The following SIDT1 variants were observed in gnomAD, a reference collection of about 807,000 sequenced individuals.
SIDT1 encodes SID1 transmembrane family member 1.
SIDT1 carries 101 observed loss-of-function variants against 107.5 expected under a neutral mutation model. That is an observed-to-expected ratio of 0.94 (90% CI 0.80 to 1.11). The LOEUF (loss-of-function observed/expected upper bound fraction) is 1.11, where lower values mean the gene tolerates loss of function less well. Ranked by LOEUF, SIDT1 falls within the 50% of genes least tolerant of loss-of-function variation. SIDT1 has a pLI of 0.00. For missense variants in SIDT1, 1,076 were observed against 1,058.2 expected, an observed-to-expected ratio of 1.02 and a Z score of -0.23; for synonymous variants, 395 against 398.2, an observed-to-expected ratio of 0.99 and a Z score of 0.10.
intron 1 of SIDT1, among the ~76,000 whole-genome samples, chr3:113,551,647 G>C (rs72950870): frequency 6.6e-6 from 1 of 151,920 alleles, no homozygotes; most frequent in Admixed American, 6.6e-5. Context: ...TTTTATTATC[G>C]TTTTCCCCCA....
Position 113,608,121 on chromosome 3 carries a change from G to A in SIDT1, c.1506G>A (p.Leu502=), listed in dbSNP as rs1270905271. The change falls in exon 16 of 25, where the codon CTG becomes CTA. Residue 502 remains leucine, a synonymous_variant. Coordinates refer to ENST00000264852, the MANE Select transcript of SIDT1 (RefSeq NM_017699.3). ...CCTTCAACAACATTCTCAGCAATCT[G>A]GGCCACGTGCTTCTGGGCTTCCTCT... ...LSAFNNILSN[L]GHVLLGFLFL... is the part of the protein sequence containing the mutation. 4 of 1,611,688 alleles carry A rather than the reference G, an allele frequency of 2.5e-6. No individual in the cohort carries two copies. Among genetic ancestry groups the A allele is most frequent in the Admixed American group, 3.4e-5 (2 of 59,536 alleles).
rs146491091 is a variant in SIDT1 at position 113,613,663 on chromosome 3, T to G, written c.1966+1469T>G. On this transcript the variant is annotated intron_variant, in intron 19 of 24. Coordinates refer to ENST00000264852, the MANE Select transcript of SIDT1 (RefSeq NM_017699.3). The stretch of plus-strand genomic sequence containing the variant: ...TCCACCAGACAGAAGGTAAGTGAAG[T>G]CATACAAACTAAACTTTCAAAAGGA... Among the ~76,000 whole-genome samples the G allele has an allele frequency of 3.9e-3, 587 of 152,304 alleles. 4 individuals carry two copies. Among genetic ancestry groups the G allele is most frequent in the African/African-American group, 0.014 (561 of 41,548 alleles).
At chr3:113,565,272 C>T (rs1300639577) in intron 1 of SIDT1, among the ~76,000 whole-genome samples, 3 of 152,154 alleles carry the variant, frequency 2.0e-5, no homozygotes, top group Non-Finnish European at 2.9e-5. Context: ...TGGCTCACAC[C>T]TGTAATCCCA....
downstream of SIDT1, among the ~76,000 whole-genome samples, chr3:113,632,268 T>G (rs1400684333): frequency 1.3e-5 from 2 of 152,228 alleles, no homozygotes; most frequent in East Asian, 3.8e-4. Flanking sequence ...GTTTTATATT[T>G]AAATCTTGAC....
intron 1 of SIDT1, among the ~76,000 whole-genome samples, chr3:113,552,798 C>T (rs1470108068): frequency 6.6e-6 from 1 of 152,214 alleles, no homozygotes; most frequent in African/African-American, 2.4e-5. Flanking sequence ...TATCCATCTA[C>T]CCAAGCACAG....
chr3:113,576,835 C>T (rs1397197375), intron 3 of SIDT1, 87 bp from the exon 4 acceptor site: 3 of 1,407,708 alleles, frequency 2.1e-6, no homozygotes, highest in Non-Finnish European at 2.0e-6. Flanking sequence ...TTTAAGATGG[C>T]TTTCTTTTAA....
Position 113,611,011 on chromosome 3 carries a change from C to G in SIDT1, c.1724C>G (p.Thr575Ser). The stretch of plus-strand genomic sequence containing the variant: ...GGCTCCTCCTTTGGGTCCTCAGACA[C>G]CTCCTTCATGTACATGATCGCTGGC... ...CPNYSNFQFD[T>S]SFMYMIAGLC... Residue 575 changes from threonine (T) to serine (S), a missense_variant, in exon 18 of 25, where the codon ACC becomes AGC. Thr to Ser is a moderately conservative substitution (Grantham distance 58, BLOSUM62 1). Coordinates refer to ENST00000264852, the MANE Select transcript of SIDT1 (RefSeq NM_017699.3). The G allele has an allele frequency of 6.2e-7, 1 of 1,613,590 alleles. No individual in the cohort carries two copies. Among genetic ancestry groups the G allele is most frequent in the Non-Finnish European group, 8.5e-7 (1 of 1,179,714 alleles).
At position 113,592,533 on chromosome 3, in the gene SIDT1, A is replaced by G. The variant is rs186258969; in HGVS notation, c.1002-472A>G. 2.1e-4 allele frequency among the ~76,000 whole-genome samples: 32 copies of G among 151,774 alleles called. No homozygotes were observed. The East Asian group carries it at 5.6e-3, about 27-fold the overall frequency. On this transcript the variant is annotated intron_variant, in intron 9 of 24. Transcript: ENST00000264852. ...TCCCACCAACAATGTATGAGTTCCA[A>G]TTTCTCCATATCCAAAGACATGTGT...
chr3:113,626,096 C>G lies in SIDT1; in HGVS notation c.2308-6C>G, dbSNP rs566409278. The G allele has an allele frequency of 1.2e-6, 2 of 1,607,904 alleles. No individual in the cohort carries two copies. Among genetic ancestry groups the G allele is most frequent in the African/African-American group, 1.3e-5 (1 of 74,900 alleles). ...CTTGCCCATGTCCTGCCTCACCTTC[C>G]TCCAGGGAACTCCGGCCGAATCCCG... On this transcript the variant is annotated splice_polypyrimidine_tract_variant and splice_region_variant and intron_variant, in intron 23 of 24. Coordinates refer to ENST00000264852, the MANE Select transcript of SIDT1 (RefSeq NM_017699.3).
chr3:113,559,438 T>TA (rs201916218), intron 1 of SIDT1, among the ~76,000 whole-genome samples: 34 of 149,016 alleles, frequency 2.3e-4, no homozygotes, highest in Middle Eastern at 3.4e-3. Context: ...TTTATTTATT[T>TA]TTTTTTTTTT....
chr3:113,580,473 GT>G, intron 4 of SIDT1, 134 bp from the exon 5 acceptor site: 1 of 636,940 alleles, frequency 1.6e-6, no homozygotes, highest in Non-Finnish European at 2.8e-6. Context: ...TTCTCAATAT[GT>G]ATGAGATGAA....
At position 113,576,981 on chromosome 3, in the gene SIDT1, T is replaced by C. The variant is rs1370480401; in HGVS notation, c.561+14T>C. ...TCTCAACCTCAGGTAAGTGAAGGGG[T>C]TCCAAGAGTTATCAACATCCTACCT... is the stretch of plus-strand genomic sequence containing the variant. On this transcript the variant is annotated intron_variant, in intron 4 of 24. Coordinates refer to ENST00000264852, the MANE Select transcript of SIDT1 (RefSeq NM_017699.3). 6.2e-7 allele frequency: 1 copy of C among 1,613,328 alleles called. No homozygotes were observed. Among genetic ancestry groups the C allele is most frequent in the African/African-American group, 1.3e-5 (1 of 74,874 alleles).
At position 113,533,184 on chromosome 3, in the gene SIDT1, G is replaced by T. The variant is rs779458827; in HGVS notation, c.163G>T (p.Val55Leu). 3 of 1,576,542 alleles carry T rather than the reference G, an allele frequency of 1.9e-6. No homozygotes were observed. Among genetic ancestry groups the T allele is most frequent in the African/African-American group, 2.8e-5 (2 of 72,208 alleles). ...GADFDHVYSGVVNLSTENIYS... is the reference protein window; with the variant it reads ...GADFDHVYSGLVNLSTENIYS... ...CGATTTCGATCATGTCTACAGCGGG[G>T]TGGTGAACCTCAGCACCGAGAACAT... The change falls in exon 1 of 25, where the codon GTG (valine) becomes TTG (leucine). Residue 55 changes from valine to leucine, a missense_variant. Val to Leu is a conservative substitution (Grantham distance 32). Coordinates refer to ENST00000264852, the MANE Select transcript of SIDT1 (RefSeq NM_017699.3).
intron 19 of SIDT1, among the ~76,000 whole-genome samples, chr3:113,613,204 G>A (rs1945873885): frequency 6.6e-6 from 1 of 152,162 alleles, no homozygotes; most frequent in Non-Finnish European, 1.5e-5. Context: ...CCACCACTTG[G>A]CCATTCCCTG....
At chr3:113,598,935 T>C (rs908348182) in intron 10 of SIDT1, among the ~76,000 whole-genome samples, 5 of 152,180 alleles carry the variant, frequency 3.3e-5, no homozygotes, top group Non-Finnish European at 7.3e-5. Flanking sequence ...GAGGCCAGCC[T>C]CGTCAACCTA....
chr3:113,559,279 C>T (rs1941195569), intron 1 of SIDT1, among the ~76,000 whole-genome samples: 1 of 152,214 alleles, frequency 6.6e-6, no homozygotes, highest in South Asian at 2.1e-4. Context: ...TGACTGAAGT[C>T]ATTGCACCAA....
At chr3:113,609,660 G>A (rs1945600703) in intron 17 of SIDT1, among the ~76,000 whole-genome samples, 1 of 152,144 alleles carries the variant, frequency 6.6e-6, no homozygotes, top group Admixed American at 6.5e-5. Flanking sequence ...TTTTTTAAAC[G>A]GTCGTTTAAT....
intron 17 of SIDT1, among the ~76,000 whole-genome samples, chr3:113,609,560 A>G (rs1228392977): frequency 6.6e-6 from 1 of 152,166 alleles, no homozygotes; most frequent in East Asian, 1.9e-4. Context: ...GTAGACATTG[A>G]GTTAATATTG....
At chr3:113,627,512 G>A (rs1946936090) in intron 24 of SIDT1, 134 bp from the exon 25 acceptor site, 9 of 718,112 alleles carry the variant, frequency 1.3e-5, no homozygotes, top group Admixed American at 5.0e-5. Context: ...GCAAAGGATT[G>A]CAGAGAGCTG....
Sources: allele counts gnomAD v4.1 joint callset (sites outside exome capture counted in the v4.1 genomes callset), GRCh38; gene constraint gnomAD v4.1.1; transcripts MANE v1.5; gene names NCBI Gene and HGNC (gene_info 2026-07-23, HGNC 2026-07-21).